The following NAALADL2 variants were observed in gnomAD, a reference collection of about 807,000 sequenced individuals.
The protein encoded by NAALADL2 is inactive N-acetylated-alpha-linked acidic dipeptidase-like protein 2.
In NAALADL2, 76 loss-of-function variants were observed where a neutral mutation model predicts 87.2. The observed-to-expected ratio is 0.87, with a 90% CI of 0.72 to 1.05. The LOEUF is 1.05. Ranked by LOEUF, NAALADL2 falls within the 50% of genes least tolerant of loss-of-function variation. The pLI, the probability that NAALADL2 is intolerant of heterozygous loss-of-function variation, is 0.00. For missense variants in NAALADL2, 1,089 were observed against 945.8 expected (o/e 1.15, Z -1.99); for synonymous variants, 354 against 331.0 (o/e 1.07, Z -0.75).
At chr3:175,238,321 G>C (rs554138950) in intron 3 of NAALADL2, among the ~76,000 whole-genome samples, 1 of 152,002 alleles carries the variant, frequency 6.6e-6, no homozygotes, top group Non-Finnish European at 1.5e-5. Context: ...TGTTAAAAGG[G>C]AGAAAATAAA....
rs1717432274 is a variant in NAALADL2, at chr3:174,592,193, G to A, written c.-115+41556G>A. On this transcript the variant is annotated intron_variant, in intron 2 of 3. Coordinates refer to the NAALADL2 transcript ENST00000434257. ...ACAGGCTGATGGAACTATAATTTTGGAATGGAGTATTTCTTTTTATTTATT... is the reference window on the plus strand; with the variant it reads ...ACAGGCTGATGGAACTATAATTTTGAAATGGAGTATTTCTTTTTATTTATT... Among the ~76,000 whole-genome samples the A allele has an allele frequency of 3.3e-5, 5 of 151,914 alleles. No individual in the cohort carries two copies. In the South Asian group the frequency reaches 1.0e-3, roughly 32 times the overall value.
intron 2 of NAALADL2, among the ~76,000 whole-genome samples, chr3:174,594,856 TATC>T (rs1361012668): frequency 6.6e-6 from 1 of 152,220 alleles, no homozygotes; most frequent in Non-Finnish European, 1.5e-5. Flanking sequence ...TAGTGCCACT[TATC>T]AACAGCTATG....
At chr3:175,048,169 G>C (rs530569101) in intron 1 of NAALADL2, among the ~76,000 whole-genome samples, 1 of 152,062 alleles carries the variant, frequency 6.6e-6, no homozygotes. Flanking sequence ...TTGAGTGTGG[G>C]TTTTTCCCCC....
chr3:174,539,975 T>TG (rs1444396347), intron 1 of NAALADL2, among the ~76,000 whole-genome samples: 3 of 80,516 alleles, frequency 3.7e-5, no homozygotes, highest in Non-Finnish European at 6.4e-5. Context: ...TAGGAAGTTC[T>TG]GGAAAAAAAA....
rs146626064 is a variant in NAALADL2 at position 174,812,599 on chromosome 3, C to A, written c.-9+74853C>A. On this transcript the variant is annotated intron_variant, in intron 3 of 3. Coordinates refer to the NAALADL2 transcript ENST00000434257. Reference sequence around the variant, plus strand: ...ATTGTAAAACATCCTCAGGCAGGTTCTTCAAGAGGTATTCCAAAAGAAGGC... The same window carrying A: ...ATTGTAAAACATCCTCAGGCAGGTTATTCAAGAGGTATTCCAAAAGAAGGC... 1.3e-3 allele frequency among the ~76,000 whole-genome samples: 205 copies of A among 152,210 alleles called. No homozygotes were observed. The East Asian group carries it at 0.034, about 25-fold the overall frequency.
chr3:175,680,433 A>G (rs1029959131), intron 11 of NAALADL2, among the ~76,000 whole-genome samples: 2 of 152,242 alleles, frequency 1.3e-5, no homozygotes, highest in Non-Finnish European at 2.9e-5. Flanking sequence ...GTATATACAC[A>G]TTGAAAGTCA....
chr3:175,709,663 G>A (rs1315617445), intron 11 of NAALADL2, among the ~76,000 whole-genome samples: 1 of 152,030 alleles, frequency 6.6e-6, no homozygotes, highest in East Asian at 1.9e-4. Flanking sequence ...GGCAGTTGAT[G>A]GAAGTACCTA....
At chr3:175,062,717 G>A (rs1713769005) in intron 1 of NAALADL2, among the ~76,000 whole-genome samples, 1 of 152,038 alleles carries the variant, frequency 6.6e-6, no homozygotes, top group African/African-American at 2.4e-5. Context: ...CAATCACTTA[G>A]CAAGAACTAT....
At chr3:174,711,103 T>C (rs1730581893) in intron 2 of NAALADL2, among the ~76,000 whole-genome samples, 1 of 152,178 alleles carries the variant, frequency 6.6e-6, no homozygotes, top group Non-Finnish European at 1.5e-5. Flanking sequence ...TGTTTTCCTC[T>C]TGGGGGAAAA....
intron 6 of NAALADL2, among the ~76,000 whole-genome samples, chr3:175,455,652 C>T (rs1319352987): frequency 6.6e-6 from 1 of 152,024 alleles, no homozygotes; most frequent in African/African-American, 2.4e-5. Context: ...ATGTATTAGA[C>T]AATCAGGGGA....
intron 2 of NAALADL2, among the ~76,000 whole-genome samples, chr3:175,116,884 A>C (rs999763506): frequency 1.3e-5 from 2 of 152,116 alleles, no homozygotes; most frequent in Non-Finnish European, 2.9e-5. Flanking sequence ...ACAATAACTA[A>C]AACAGCATGG....
At chr3:175,034,492 G>A (rs1580125794) in intron 1 of NAALADL2, among the ~76,000 whole-genome samples, 1 of 152,022 alleles carries the variant, frequency 6.6e-6, no homozygotes, top group East Asian at 1.9e-4. Flanking sequence ...CACATGGCCA[G>A]GTCCCTTATT....
intron 5 of NAALADL2, among the ~76,000 whole-genome samples, chr3:175,445,756 G>A (rs753045391): frequency 4.6e-5 from 7 of 152,054 alleles, no homozygotes; most frequent in Non-Finnish European, 7.4e-5. Flanking sequence ...GCTAATAATT[G>A]TCTCCCTTTA....
rs190797921 is a variant in NAALADL2, at chr3:174,471,328, C to G, written c.-184+30296C>G. ...TCCAAGATGTATGCAGTTTGTAAGC[C>G]TATGTAGTTATAAGCCTCCTATGTC... On this transcript the variant is annotated intron_variant, in intron 1 of 3. Transcript: ENST00000434257. 8.6e-5 allele frequency among the ~76,000 whole-genome samples: 13 copies of G among 151,984 alleles called. No individual in the cohort carries two copies. The East Asian group carries it at 1.9e-3, about 23-fold the overall frequency.
At chr3:174,672,099 G>A (rs1038968300) in intron 2 of NAALADL2, among the ~76,000 whole-genome samples, 14 of 152,018 alleles carry the variant, frequency 9.2e-5, no homozygotes, top group Admixed American at 2.0e-4. Context: ...TTAAGGTAAG[G>A]CAAGAGACAC....
intron 9 of NAALADL2, among the ~76,000 whole-genome samples, chr3:175,506,507 T>G (rs1730342104): frequency 6.6e-6 from 1 of 152,226 alleles, no homozygotes; most frequent in African/African-American, 2.4e-5. Context: ...ACACTTGCTG[T>G]GAAAAATCAT....
intron 1 of NAALADL2, among the ~76,000 whole-genome samples, chr3:175,024,842 T>C (rs1752018811): frequency 6.6e-6 from 1 of 152,078 alleles, no homozygotes; most frequent in Non-Finnish European, 1.5e-5. Flanking sequence ...TCTACTCATG[T>C]GATGGTGTTG....
chr3:175,040,159 A>G (rs1753898525), intron 1 of NAALADL2, among the ~76,000 whole-genome samples: 1 of 152,162 alleles, frequency 6.6e-6, no homozygotes, highest in African/African-American at 2.4e-5. Flanking sequence ...TCCACGCCTG[A>G]AATTGTAATC....
intron 2 of NAALADL2, among the ~76,000 whole-genome samples, chr3:175,109,303 G>T (rs979727929): frequency 2.2e-4 from 34 of 151,770 alleles, no homozygotes; most frequent in African/African-American, 8.0e-4. Context: ...ATCGCAAGAT[G>T]CATTAAAGGT....
Sources: gnomAD v4.1 joint callset for allele counts (sites outside exome capture counted in the v4.1 genomes callset) on GRCh38, gnomAD v4.1.1 for gene constraint, MANE v1.5 for transcripts, NCBI Gene and HGNC (gene_info 2026-07-23, HGNC 2026-07-21) for gene names.